SHISA6: variants seen among roughly 807,000 people sequenced by gnomAD.
SHISA6 encodes the protein protein shisa-6.
In SHISA6, 22 loss-of-function variants were observed where a neutral mutation model predicts 47.9. The observed-to-expected ratio is 0.46, with a 90% CI of 0.33 to 0.66. The LOEUF (loss-of-function observed/expected upper bound fraction) is 0.66. Ranked by LOEUF, SHISA6 falls within the 30% of genes least tolerant of loss-of-function variation. The pLI is 0.02. For synonymous variants in SHISA6, 388 were observed against 337.8 expected, an observed-to-expected ratio of 1.15 and a Z score of -1.63; for missense variants, 680 against 764.6, an observed-to-expected ratio of 0.89 and a Z score of 1.30.
At chr17:11,278,915 C>T (rs62062013) in intron 2 of SHISA6, among the ~76,000 whole-genome samples, 70,903 of 151,998 alleles carry the variant, frequency 0.47, 16,956 homozygotes, top group Non-Finnish European at 0.52. Flanking sequence ...AGCTGGGTGG[C>T]CGAGGCAGGC....
chr17:11,386,884 C>G (rs1439991615), intron 3 of SHISA6, among the ~76,000 whole-genome samples: 1 of 152,184 alleles, frequency 6.6e-6, no homozygotes, highest in African/African-American at 2.4e-5. Flanking sequence ...CCAGGACTGT[C>G]CAGTTTTAAC....
chr17:11,420,632 A>G (rs1280367775), intron 3 of SHISA6, among the ~76,000 whole-genome samples: 1 of 152,200 alleles, frequency 6.6e-6, no homozygotes, highest in Middle Eastern at 3.2e-3. Flanking sequence ...CTGAATCTGT[A>G]ACACGCCACA....
chr17:11,277,266 TCTCTCTCTCTCTCTCACACACACACACA>T (rs1412036444), intron 2 of SHISA6, among the ~76,000 whole-genome samples: 9 of 109,634 alleles, frequency 8.2e-5, no homozygotes, highest in African/African-American at 3.3e-4. Flanking sequence ...TCTCTCTCTC[TCTCTCTCTCTCTCTCACACACACACACA>T]CACACACACA....
chr17:11,451,224 CCCCTTCAATAGGCTCTCCATATTTTT>C (rs939945611), intron 3 of SHISA6, among the ~76,000 whole-genome samples: 5 of 152,028 alleles, frequency 3.3e-5, no homozygotes, highest in Admixed American at 2.6e-4. Context: ...CATTCTCTGC[CCCCTTCAATAGGCTCTCCATATTTTT>C]CCCTACAATA....
intron 3 of SHISA6, among the ~76,000 whole-genome samples, chr17:11,524,106 A>G (rs1386136778): frequency 6.6e-6 from 1 of 152,126 alleles, no homozygotes; most frequent in Non-Finnish European, 1.5e-5. Flanking sequence ...AGAAAGAGAA[A>G]GAAAGAAAAT....
At chr17:11,378,902 T>C (rs1470842932) in intron 2 of SHISA6, among the ~76,000 whole-genome samples, 1 of 151,842 alleles carries the variant, frequency 6.6e-6, no homozygotes, top group South Asian at 2.1e-4. Flanking sequence ...AAAAAACAAA[T>C]GAATAATGGA....
Position 11,443,402 on chromosome 17 carries a change from T to C in SHISA6, c.895+63893T>C, listed in dbSNP as rs529807362. 1.3e-3 allele frequency among the ~76,000 whole-genome samples: 196 copies of C among 152,296 alleles called. 2 individuals carry two copies. Among genetic ancestry groups the C allele is most frequent in the South Asian group, 0.011 (54 of 4,826 alleles). On this transcript the variant is annotated intron_variant, in intron 3 of 5. Coordinates refer to ENST00000441885, the MANE Select transcript of SHISA6 (RefSeq NM_207386.4). ...CATAATTGCAATATATTATGATTTG[T>C]GCTGCAAAAGAAACAATAATAAGAT...
At chr17:11,438,297 GAGTGCTTCATTAGTAACTGTATT>G (rs1431688720) in intron 3 of SHISA6, among the ~76,000 whole-genome samples, 3 of 152,074 alleles carry the variant, frequency 2.0e-5, no homozygotes, top group Non-Finnish European at 4.4e-5. Flanking sequence ...TAAAAACCTA[GAGTGCTTCATTAGTAACTGTATT>G]GGTTTGCCAG....
chr17:11,325,185 G>A (rs1403544099), intron 2 of SHISA6, among the ~76,000 whole-genome samples: 1 of 152,216 alleles, frequency 6.6e-6, no homozygotes, highest in Non-Finnish European at 1.5e-5. Context: ...ATCCAGGCGG[G>A]CCCAAAAGTG....
intron 3 of SHISA6, among the ~76,000 whole-genome samples, chr17:11,534,813 G>C (rs1007962800): frequency 3.9e-5 from 6 of 152,092 alleles, no homozygotes; most frequent in Non-Finnish European, 5.9e-5. Flanking sequence ...GATCAATAAG[G>C]GGTTGTGTGC....
intron 1 of SHISA6, 27 bp from the exon 2 acceptor site, chr17:11,263,339 T>C (rs746608244): frequency 1.4e-5 from 21 of 1,550,744 alleles, no homozygotes; most frequent in Non-Finnish European, 1.7e-5. Flanking sequence ...TCAGTGAATC[T>C]CATTATGTGA....
chr17:11,256,216 C>T (rs529660187), intron 1 of SHISA6, among the ~76,000 whole-genome samples: 8 of 152,254 alleles, frequency 5.3e-5, no homozygotes, highest in South Asian at 2.1e-4. Context: ...TAACACCGGC[C>T]GGGCACGGTG....
intron 2 of SHISA6, among the ~76,000 whole-genome samples, chr17:11,291,029 C>A (rs1015361628): frequency 2.0e-5 from 3 of 150,810 alleles, no homozygotes; most frequent in Non-Finnish European, 4.4e-5. Context: ...AATTCAATTC[C>A]ATTAATTTAT....
chr17:11,450,314 G>A (rs1337640698), intron 3 of SHISA6, among the ~76,000 whole-genome samples: 1 of 152,166 alleles, frequency 6.6e-6, no homozygotes, highest in African/African-American at 2.4e-5. Context: ...GTTACTGGGG[G>A]TCAGGACTTC....
chr17:11,494,190 C>T (rs1402607507), intron 3 of SHISA6, among the ~76,000 whole-genome samples: 1 of 152,062 alleles, frequency 6.6e-6, no homozygotes, highest in Non-Finnish European at 1.5e-5. Context: ...AGAGGGTTTT[C>T]CTCCCCACCC....
intron 3 of SHISA6, among the ~76,000 whole-genome samples, chr17:11,443,952 G>A (rs1028418879): frequency 2.0e-5 from 3 of 152,128 alleles, no homozygotes; most frequent in Non-Finnish European, 4.4e-5. Flanking sequence ...AGGATTTAAG[G>A]CATTTCACCA....
At chr17:11,348,709 A>G (rs1347947470) in intron 2 of SHISA6, among the ~76,000 whole-genome samples, 1 of 152,094 alleles carries the variant, frequency 6.6e-6, no homozygotes, top group Middle Eastern at 3.4e-3. Context: ...CATAAGAAAC[A>G]AGTTCATTTG....
intron 1 of SHISA6, 28 bp from the exon 2 acceptor site, chr17:11,263,338 C>G: frequency 6.4e-7 from 1 of 1,550,804 alleles, no homozygotes; most frequent in African/African-American, 1.4e-5. Context: ...CTCAGTGAAT[C>G]TCATTATGTG....
At chr17:11,473,614 T>TA in intron 3 of SHISA6, among the ~76,000 whole-genome samples, 2 of 152,000 alleles carry the variant, frequency 1.3e-5, no homozygotes, top group South Asian at 2.1e-4. Context: ...GCAATTAATT[T>TA]TTTATATATA....
Sources: gnomAD v4.1 joint callset for allele counts (sites outside exome capture counted in the v4.1 genomes callset) on GRCh38, gnomAD v4.1.1 for gene constraint, MANE v1.5 for transcripts, NCBI Gene and HGNC (gene_info 2026-07-23, HGNC 2026-07-21) for gene names.